CSMD1: variants seen among roughly 807,000 people sequenced by gnomAD.
The protein encoded by CSMD1 is CUB and Sushi multiple domains 1.
In CSMD1, 213 loss-of-function variants were observed where a neutral mutation model predicts 417.5. That is an observed-to-expected ratio of 0.51 (90% CI 0.46 to 0.57). The LOEUF (loss-of-function observed/expected upper bound fraction) is 0.57. Ranked by LOEUF, CSMD1 falls within the 20% of genes least tolerant of loss-of-function variation. The pLI, the probability that CSMD1 is intolerant of heterozygous loss-of-function variation, is 0.00. For synonymous variants in CSMD1, 2,862 were observed against 1,736.8 expected, an observed-to-expected ratio of 1.65 and a Z score of -16.11; for missense variants, 6,923 against 4,529.7, an observed-to-expected ratio of 1.53 and a Z score of -15.17.
intron 7 of CSMD1, among the ~76,000 whole-genome samples, chr8:3,680,806 C>A (rs538889492): frequency 6.6e-6 from 1 of 152,076 alleles, no homozygotes; most frequent in African/African-American, 2.4e-5. Context: ...ACTGGCAAAC[C>A]GAACTCAGCA....
chr8:4,371,184 G>T (rs1467240214), intron 3 of CSMD1, among the ~76,000 whole-genome samples: 1 of 152,030 alleles, frequency 6.6e-6, no homozygotes, highest in Non-Finnish European at 1.5e-5. Flanking sequence ...GATACTTTAG[G>T]GGTCAAGGCT....
At chr8:3,741,883 C>T (rs1168963270) in intron 6 of CSMD1, among the ~76,000 whole-genome samples, 2 of 152,142 alleles carry the variant, frequency 1.3e-5, no homozygotes, top group African/African-American at 2.4e-5. Flanking sequence ...GGTTCCAATT[C>T]CTTACCATGT....
intron 3 of CSMD1, among the ~76,000 whole-genome samples, chr8:4,083,730 T>TA (rs1450566830): frequency 4.6e-5 from 7 of 152,084 alleles, no homozygotes; most frequent in Non-Finnish European, 7.4e-5. Context: ...CCTAAAGCCA[T>TA]AAAAACCCTA....
chr8:4,191,483 T>C (rs189398854), intron 3 of CSMD1, among the ~76,000 whole-genome samples: 6 of 152,284 alleles, frequency 3.9e-5, no homozygotes, highest in African/African-American at 7.2e-5. Context: ...AAAAGCATTG[T>C]TCTTACTTGT....
At chr8:3,250,219 C>G (rs767914839) in intron 26 of CSMD1, among the ~76,000 whole-genome samples, 4 of 152,148 alleles carry the variant, frequency 2.6e-5, no homozygotes, top group Non-Finnish European at 4.4e-5. Flanking sequence ...TCCCCCCACC[C>G]CACAACAGGC....
intron 3 of CSMD1, among the ~76,000 whole-genome samples, chr8:4,050,345 A>C (rs1308061355): frequency 6.6e-6 from 1 of 152,208 alleles, no homozygotes; most frequent in Non-Finnish European, 1.5e-5. Context: ...CAGAGCACCC[A>C]CTAAAGTAAT....
intron 7 of CSMD1, among the ~76,000 whole-genome samples, chr8:3,702,911 A>G (rs1279154895): frequency 1.3e-5 from 2 of 152,208 alleles, no homozygotes; most frequent in African/African-American, 4.8e-5. Context: ...AGAGCAGTTC[A>G]CCATTTCAGG....
intron 5 of CSMD1, among the ~76,000 whole-genome samples, chr8:3,994,861 C>T (rs920134170): frequency 1.3e-5 from 2 of 152,088 alleles, no homozygotes; most frequent in African/African-American, 2.4e-5. Flanking sequence ...TTCCAAGTAG[C>T]TTCTTCTGAG....
intron 20 of CSMD1, among the ~76,000 whole-genome samples, chr8:3,366,537 A>G (rs981541513): frequency 5.9e-5 from 9 of 152,154 alleles, no homozygotes; most frequent in African/African-American, 2.2e-4. Flanking sequence ...ATTTTTTGTC[A>G]TTGCATATGA....
intron 1 of CSMD1, among the ~76,000 whole-genome samples, chr8:4,883,601 C>T: frequency 6.6e-6 from 1 of 152,030 alleles, no homozygotes; most frequent in East Asian, 1.9e-4. Flanking sequence ...TGGCTGGCTT[C>T]TTTCACTTAG....
intron 2 of CSMD1, among the ~76,000 whole-genome samples, chr8:4,585,634 G>T (rs1184591140): frequency 1.3e-5 from 2 of 152,026 alleles, no homozygotes; most frequent in African/African-American, 4.8e-5. Context: ...AAAAGGACTG[G>T]CAAAGAAGCA....
At chr8:3,680,878 T>C (rs1282609924) in intron 7 of CSMD1, among the ~76,000 whole-genome samples, 2 of 152,182 alleles carry the variant, frequency 1.3e-5, no homozygotes, top group African/African-American at 4.8e-5. Context: ...GCAAGGCTGG[T>C]TCAATATACG....
chr8:3,300,056 C>A (rs576787846), intron 25 of CSMD1, among the ~76,000 whole-genome samples: 1 of 152,136 alleles, frequency 6.6e-6, no homozygotes, highest in South Asian at 2.1e-4. Context: ...AAATTAAAAA[C>A]AACCTGAATA....
intron 5 of CSMD1, among the ~76,000 whole-genome samples, chr8:3,852,593 G>C (rs116632018): frequency 0.018 from 2,761 of 152,202 alleles, 80 homozygotes; most frequent in African/African-American, 0.06. Context: ...ACTCGTGTCA[G>C]CTATCTCAGC....
At chr8:4,180,710 C>G (rs906702848) in intron 3 of CSMD1, among the ~76,000 whole-genome samples, 10 of 152,146 alleles carry the variant, frequency 6.6e-5, no homozygotes, top group Middle Eastern at 3.2e-3. Context: ...TGTCATGGAA[C>G]TCACCTTAGA....
intron 11 of CSMD1, among the ~76,000 whole-genome samples, chr8:3,473,392 G>A (rs6993088): frequency 0.44 from 66,718 of 151,938 alleles, 14,964 homozygotes; most frequent in East Asian, 0.57. Context: ...TTTTAAAGCT[G>A]ATTAACTTAC....
rs75548690 is a variant in CSMD1 at position 3,747,544 on chromosome 8, G to A, written c.931+6386C>T. 8.4e-4 allele frequency among the ~76,000 whole-genome samples: 127 copies of A among 150,464 alleles called. 1 individual carries two copies. The East Asian group carries it at 0.02, about 24-fold the overall frequency. ...ATTGTATGTGAGAGTCATCCATGTC[G>A]TTACATGTAGAGGCAGTTTGTCTCT... is the stretch of plus-strand genomic sequence containing the variant. On this transcript the variant is annotated intron_variant, in intron 6 of 69. Coordinates refer to ENST00000635120, the MANE Select transcript of CSMD1 (RefSeq NM_033225.6).
chr8:4,381,285 G>A (rs1461623879), intron 3 of CSMD1, among the ~76,000 whole-genome samples: 3 of 152,152 alleles, frequency 2.0e-5, no homozygotes, highest in African/African-American at 4.8e-5. Context: ...GCCTTCCAGA[G>A]GTTGGGGAAA....
intron 1 of CSMD1, among the ~76,000 whole-genome samples, chr8:4,667,114 TCTCCATTGTGTTAC>T (rs1804987913): frequency 6.6e-6 from 1 of 152,182 alleles, no homozygotes; most frequent in Non-Finnish European, 1.5e-5. Context: ...GACTATTTTT[TCTCCATTGTGTTAC>T]CTTGTCCCCT....
Sources: allele counts gnomAD v4.1 joint callset (sites outside exome capture counted in the v4.1 genomes callset), GRCh38; gene constraint gnomAD v4.1.1; transcripts MANE v1.5; gene names NCBI Gene and HGNC (gene_info 2026-07-23, HGNC 2026-07-21).